GABRG3: variants seen among roughly 807,000 people sequenced by gnomAD.
GABRG3 encodes the protein gamma-aminobutyric acid receptor subunit gamma-3.
In GABRG3, 25 loss-of-function variants were observed where a neutral mutation model predicts 48.8. The observed-to-expected ratio is 0.51, with a 90% CI of 0.37 to 0.72. The LOEUF (loss-of-function observed/expected upper bound fraction) is 0.72. Ranked by LOEUF, GABRG3 falls within the 30% of genes least tolerant of loss-of-function variation. The pLI is 0.00. For missense variants in GABRG3, 394 were observed against 577.9 expected, an observed-to-expected ratio of 0.68 and a Z score of 3.26; for synonymous variants, 227 against 217.6, an observed-to-expected ratio of 1.04 and a Z score of -0.38.
chr15:27,112,667 T>G (rs1897574699), intron 3 of GABRG3, among the ~76,000 whole-genome samples: 1 of 152,120 alleles, frequency 6.6e-6, no homozygotes, highest in South Asian at 2.1e-4. Flanking sequence ...CTTGAACTCC[T>G]GAGCTCAAGT....
At chr15:27,199,409 T>A (rs879562899) in intron 3 of GABRG3, among the ~76,000 whole-genome samples, 2 of 152,056 alleles carry the variant, frequency 1.3e-5, no homozygotes, top group African/African-American at 2.4e-5. Flanking sequence ...ACTGGGAGGG[T>A]GAGGACTCTA....
chr15:27,493,390 T>C (rs1890404207), intron 6 of GABRG3, among the ~76,000 whole-genome samples: 1 of 152,148 alleles, frequency 6.6e-6, no homozygotes, highest in East Asian at 1.9e-4. Context: ...CAAAATAATC[T>C]TCAATGAATT....
At chr15:27,505,267 C>T (rs1190309729) in intron 6 of GABRG3, among the ~76,000 whole-genome samples, 1 of 152,084 alleles carries the variant, frequency 6.6e-6, no homozygotes, top group Non-Finnish European at 1.5e-5. Context: ...TTACATGATG[C>T]CAATATAACT....
chr15:27,183,534 A>G (rs752718298), intron 3 of GABRG3, among the ~76,000 whole-genome samples: 18 of 152,256 alleles, frequency 1.2e-4, no homozygotes, highest in Non-Finnish European at 1.2e-4. Context: ...GGTGATTGAA[A>G]TAGCACTGGA....
chr15:27,531,332 C>A (rs1891419278), intron 9 of GABRG3, among the ~76,000 whole-genome samples: 1 of 152,188 alleles, frequency 6.6e-6, no homozygotes, highest in Non-Finnish European at 1.5e-5. Flanking sequence ...CACCCCTCCC[C>A]GATTTATGAC....
intron 3 of GABRG3, among the ~76,000 whole-genome samples, chr15:27,152,970 C>A (rs1898347138): frequency 6.6e-6 from 1 of 151,738 alleles, no homozygotes; most frequent in East Asian, 1.9e-4. Context: ...ACGCCGTTCT[C>A]CTGCCTCAGC....
chr15:27,066,671 A>C (rs1436237443), intron 3 of GABRG3, among the ~76,000 whole-genome samples: 1 of 152,010 alleles, frequency 6.6e-6, no homozygotes, highest in African/African-American at 2.4e-5. Context: ...GACCACAGAG[A>C]GAGGCCAGAG....
chr15:27,128,108 T>A (rs1897853125), intron 3 of GABRG3, among the ~76,000 whole-genome samples: 1 of 152,210 alleles, frequency 6.6e-6, no homozygotes, highest in Non-Finnish European at 1.5e-5. Context: ...ACGCCTGTAA[T>A]CCCAGCATTT....
At chr15:27,037,421 A>G (rs1896198493) in intron 3 of GABRG3, among the ~76,000 whole-genome samples, 1 of 152,200 alleles carries the variant, frequency 6.6e-6, no homozygotes, top group African/African-American at 2.4e-5. Flanking sequence ...CGACTGGCTA[A>G]GTTAGGTCAG....
At chr15:27,422,714 A>G (rs1384299138) in intron 5 of GABRG3, among the ~76,000 whole-genome samples, 1 of 152,196 alleles carries the variant, frequency 6.6e-6, no homozygotes, top group Non-Finnish European at 1.5e-5. Context: ...AAAATGTTCA[A>G]CATTGATATC....
chr15:27,538,022 G>A lies in GABRG3; in HGVS notation c.*5141G>A, dbSNP rs1001207710. On this transcript the variant is annotated 3_prime_UTR_variant, in exon 10 of 10. Transcript: ENST00000615808. Reference sequence around the variant, plus strand: ...GTCTGGCTAATTTTTTATATTTTTAGTAGAGATGGGCTTTCACCATGTTGG... The same window carrying A: ...GTCTGGCTAATTTTTTATATTTTTAATAGAGATGGGCTTTCACCATGTTGG... 1 of 151,920 alleles carries A rather than the reference G, an allele frequency of 6.6e-6. No individual in the cohort carries two copies. Among genetic ancestry groups the A allele is most frequent in the African/African-American group, 2.4e-5 (1 of 41,370 alleles). The allele number at this position is 151,920 out of a possible 1,614,324, so 9.4% of individuals were successfully genotyped here. A position where few individuals can be genotyped will look rare whatever the true frequency, so the allele number is the denominator to read the frequency against.
At chr15:27,426,421 G>A (rs1166637163) in intron 5 of GABRG3, among the ~76,000 whole-genome samples, 1 of 152,194 alleles carries the variant, frequency 6.6e-6, no homozygotes, top group African/African-American at 2.4e-5. Flanking sequence ...ACATATGCCA[G>A]GCAGTCCCAT....
intron 3 of GABRG3, among the ~76,000 whole-genome samples, chr15:27,130,736 A>G (rs1175397981): frequency 6.6e-6 from 1 of 151,968 alleles, no homozygotes; most frequent in Admixed American, 6.6e-5. Context: ...TCTGTTGTCC[A>G]TTGGTTCAGT....
chr15:27,226,183 C>G (rs887427768), intron 3 of GABRG3, among the ~76,000 whole-genome samples: 3 of 152,002 alleles, frequency 2.0e-5, no homozygotes, highest in African/African-American at 7.3e-5. Flanking sequence ...GGGATGAGGA[C>G]CTGGCACTCC....
At chr15:27,029,437 G>GCACA (rs10564490) in intron 3 of GABRG3, among the ~76,000 whole-genome samples, 1 of 150,580 alleles carries the variant, frequency 6.6e-6, no homozygotes, top group Non-Finnish European at 1.5e-5. Context: ...TGTTTAAAAT[G>GCACA]CACACACACA....
intron 5 of GABRG3, among the ~76,000 whole-genome samples, chr15:27,334,467 C>T (rs1236872787): frequency 3.9e-5 from 6 of 152,134 alleles, no homozygotes; most frequent in Non-Finnish European, 7.4e-5. Context: ...AGTTGAGATG[C>T]CATTCCTTTA....
chr15:27,182,969 A>G (rs1887980118), intron 3 of GABRG3, among the ~76,000 whole-genome samples: 1 of 152,242 alleles, frequency 6.6e-6, no homozygotes, highest in African/African-American at 2.4e-5. Context: ...AAACAATAGC[A>G]AGAACATAAA....
chr15:27,367,519 A>G (rs1425297685), intron 5 of GABRG3, among the ~76,000 whole-genome samples: 2 of 152,144 alleles, frequency 1.3e-5, no homozygotes, highest in East Asian at 1.9e-4. Context: ...AGAGTCTACA[A>G]TTTTACAATT....
intron 3 of GABRG3, among the ~76,000 whole-genome samples, chr15:27,034,125 C>T (rs115342914): frequency 6.6e-6 from 1 of 152,360 alleles, no homozygotes; most frequent in African/African-American, 2.4e-5. Context: ...AAAGCATACA[C>T]AACTTACCCT....
Sources: allele counts gnomAD v4.1 joint callset (sites outside exome capture counted in the v4.1 genomes callset), GRCh38; gene constraint gnomAD v4.1.1; transcripts MANE v1.5; gene names NCBI Gene and HGNC (gene_info 2026-07-23, HGNC 2026-07-21).